Variants in RASSF5 observed in about 807,000 individuals in gnomAD.
The protein encoded by RASSF5 is ras association domain-containing protein 5.
In RASSF5, 25 loss-of-function variants were observed where a neutral mutation model predicts 40.5. That is an observed-to-expected ratio of 0.62 (90% CI 0.45 to 0.86). RASSF5 has a LOEUF of 0.86. RASSF5 is among the 40% of genes least tolerant of loss of function. The pLI is 0.00. For synonymous variants in RASSF5, 246 were observed against 252.4 expected, an observed-to-expected ratio of 0.97 and a Z score of 0.24; for missense variants, 521 against 572.8, an observed-to-expected ratio of 0.91 and a Z score of 0.92.
chr1:206,577,329 G>C (rs1406673351), intron 2 of RASSF5, among the ~76,000 whole-genome samples: 1 of 152,188 alleles, frequency 6.6e-6, no homozygotes, highest in Non-Finnish European at 1.5e-5. Flanking sequence ...CAAGGAAAAT[G>C]AAAACTGAAA....
chr1:206,565,530 T>A (rs906004683), intron 2 of RASSF5, among the ~76,000 whole-genome samples: 2 of 152,150 alleles, frequency 1.3e-5, no homozygotes, highest in Non-Finnish European at 2.9e-5. Context: ...GACATAAAGA[T>A]GGATGAGATG....
At position 206,572,181 on chromosome 1, in the gene RASSF5, C is replaced by T. The variant is rs566318284; in HGVS notation, c.580-11088C>T. On this transcript the variant is annotated intron_variant, in intron 2 of 5. Coordinates refer to ENST00000579436, the MANE Select transcript of RASSF5 (RefSeq NM_182663.4). ...TACATTTATTTTGGGGTTTAGGGTG[C>T]ATGCGTGTTACTGCTTCTTTGTGTT... 6.1e-5 allele frequency among the ~76,000 whole-genome samples: 9 copies of T among 147,628 alleles called. No homozygotes were observed. In the East Asian group the frequency reaches 1.9e-3, roughly 31 times the overall value.
At chr1:206,583,548 T>C (rs1668980911) in intron 3 of RASSF5, 169 bp downstream of exon 3, 3 of 603,666 alleles carry the variant, frequency 5.0e-6, no homozygotes, top group Non-Finnish European at 6.0e-6. Flanking sequence ...GAGCCCTCAG[T>C]GGCCTCCATG....
At chr1:206,580,486 G>C (rs1365287971) in intron 2 of RASSF5, among the ~76,000 whole-genome samples, 4 of 152,296 alleles carry the variant, frequency 2.6e-5, no homozygotes, top group Non-Finnish European at 5.9e-5. Flanking sequence ...AGCTCCCAGC[G>C]GGAAGGTATA....
At chr1:206,536,582 G>C (rs1667417699) in intron 1 of RASSF5, among the ~76,000 whole-genome samples, 1 of 152,144 alleles carries the variant, frequency 6.6e-6, no homozygotes, top group South Asian at 2.1e-4. Context: ...CCCAAAAGTG[G>C]GGAGAAAAGG....
rs1668330531 is a variant in RASSF5 at position 206,567,953 on chromosome 1, A to C, written c.580-15316A>C. On this transcript the variant is annotated intron_variant, in intron 2 of 5. Coordinates refer to ENST00000579436, the MANE Select transcript of RASSF5 (RefSeq NM_182663.4). ...AATAATGTGCCCAGGGTCACATAAT[A>C]GTAAGTGGCAGATCCTGAAGTTGGA... Among the ~76,000 whole-genome samples, 5 of 152,200 alleles carry C rather than the reference A, an allele frequency of 3.3e-5. No homozygotes were observed. The South Asian group carries it at 1.0e-3, about 31-fold the overall frequency.
At chr1:206,541,164 G>A (rs1262915516) in intron 2 of RASSF5, among the ~76,000 whole-genome samples, 1 of 152,158 alleles carries the variant, frequency 6.6e-6, no homozygotes, top group Non-Finnish European at 1.5e-5. Flanking sequence ...CAAAATGCTG[G>A]GATTACAGGT....
Position 206,507,693 on chromosome 1 carries a change from C to T in RASSF5, c.91C>T (p.Pro31Ser), listed in dbSNP as rs782610236. The T allele has an allele frequency of 6.7e-7, 1 of 1,497,442 alleles. No homozygotes were observed. The highest frequency in any genetic ancestry group is 1.3e-5 in the South Asian group (1 of 79,502). The allele number at this position is 1,497,442 out of a possible 1,614,324, so 92.8% of individuals were successfully genotyped here. Residue 31 changes from proline to serine, a missense_variant, in exon 1 of 6, where the codon CCC becomes TCC. Transcript: ENST00000579436. ...GCGCTATCTACAGAGCCTGAGCGGC[C>T]CCGAGCTACCGCCGCCGCCCCCCGA... is the stretch of plus-strand genomic sequence containing the variant. Reference protein sequence around the residue: ...PPRYLQSLSGPELPPPPPDRS... With the variant: ...PPRYLQSLSGSELPPPPPDRS...
Position 206,507,790 on chromosome 1 carries a change from G to A in RASSF5, c.188G>A (p.Arg63Gln), listed in dbSNP as rs967762093. 23 of 1,390,880 alleles carry A rather than the reference G, an allele frequency of 1.7e-5. No individual in the cohort carries two copies. The highest frequency in any genetic ancestry group is 3.1e-5 in the African/African-American group (2 of 65,526). The allele number at this position is 1,390,880 out of a possible 1,614,324, so 86.2% of individuals were successfully genotyped here. The change falls in exon 1 of 6, where the codon CGG (arginine) becomes CAG (glutamine). Residue 63 changes from arginine to glutamine, a missense_variant. By Grantham distance (43) the Arg-to-Gln change is conservative (BLOSUM62 1). Around this residue, in one of 2 missense-constraint regions of RASSF5, gnomAD observed 237 missense variants for 212.0 expected, o/e 1.12. Coordinates refer to ENST00000579436, the MANE Select transcript of RASSF5 (RefSeq NM_182663.4). ...APGAREGRSARRAARGNLEPP... is the reference protein window; with the variant it reads ...APGAREGRSAQRAARGNLEPP... ...GGGGCGCGCGAGGGGCGCAGCGCCC[G>A]GAGGGCTGCCCGGGGGAACCTGGAG...
rs1553405827 is a variant in RASSF5, at chr1:206,579,519, C to G, written c.580-3750C>G. Among the ~76,000 whole-genome samples the G allele has an allele frequency of 6.6e-6, 1 of 152,098 alleles. No homozygotes were observed. The highest frequency in any genetic ancestry group is 2.4e-5 in the African/African-American group (1 of 41,414). ...TGGCAGATAGTGCCTGTTAGGTAAACCTTTGGGGTGTTTGTGTGTTTCTTG... is the reference window on the plus strand; with the variant it reads ...TGGCAGATAGTGCCTGTTAGGTAAAGCTTTGGGGTGTTTGTGTGTTTCTTG... On this transcript the variant is annotated intron_variant, in intron 2 of 5. Transcript: ENST00000579436. The surrounding 1 kb of genome is among the most constrained non-coding windows in gnomAD (Gnocchi z 4.2).
intron 1 of RASSF5, among the ~76,000 whole-genome samples, chr1:206,522,295 G>C (rs1226823931): frequency 6.6e-6 from 1 of 152,152 alleles, no homozygotes; most frequent in Non-Finnish European, 1.5e-5. Context: ...TGTGGAAAGA[G>C]GGGAGACGGA....
At chr1:206,534,076 G>T (rs1667320049) in intron 1 of RASSF5, among the ~76,000 whole-genome samples, 1 of 152,204 alleles carries the variant, frequency 6.6e-6, no homozygotes, top group South Asian at 2.1e-4. Context: ...CTAGCCTCCA[G>T]AACTGCGAGA....
At chr1:206,576,597 T>C (rs1390314536) in intron 2 of RASSF5, among the ~76,000 whole-genome samples, 2 of 152,174 alleles carry the variant, frequency 1.3e-5, no homozygotes, top group Non-Finnish European at 2.9e-5. Flanking sequence ...AAAACTGTGA[T>C]TACCTTTCTC....
At chr1:206,586,624 T>C in intron 5 of RASSF5, 1 of 564,886 alleles carries the variant, frequency 1.8e-6, no homozygotes, top group East Asian at 2.9e-5. Flanking sequence ...GGTCATGAGA[T>C]GCCAGCATTT....
rs782253930 is a variant in RASSF5, at chr1:206,586,964, G to C, written c.1243G>C (p.Gly415Arg). ...GGAGGAGGCCTTAAGAGAATCCCAG[G>C]GCAAACCTGGGTAACCGGTCCTGCT... ...KLEEALRESQ[G>R]KPG The change falls in exon 6 of 6, where the codon GGC becomes CGC. Residue 415 changes from glycine to arginine, a missense_variant. This residue lies in a region of RASSF5 where 284 missense variants were observed against 360.8 expected (regional missense o/e 0.79). Transcript: ENST00000579436. 4 of 1,613,950 alleles carry C rather than the reference G, an allele frequency of 2.5e-6. No homozygotes were observed. The highest frequency in any genetic ancestry group is 3.4e-6 in the Non-Finnish European group (4 of 1,179,978).
intron 2 of RASSF5, among the ~76,000 whole-genome samples, chr1:206,549,240 G>A (rs976213400): frequency 6.6e-6 from 1 of 151,848 alleles, no homozygotes; most frequent in Non-Finnish European, 1.5e-5. Context: ...AGTCTAATCT[G>A]CCATTAATCC....
intron 2 of RASSF5, among the ~76,000 whole-genome samples, chr1:206,546,233 C>T (rs551387658): frequency 3.3e-4 from 50 of 150,532 alleles, no homozygotes; most frequent in Non-Finnish European, 4.4e-4. Context: ...TTCAGCCTCT[C>T]GAGGAACTGG....
At chr1:206,559,950 C>A (rs539712167) in intron 2 of RASSF5, among the ~76,000 whole-genome samples, 82 of 152,286 alleles carry the variant, frequency 5.4e-4, no homozygotes, top group African/African-American at 1.9e-3. Context: ...CTTCTAGGTG[C>A]CTTTTTACCT....
At chr1:206,555,997 G>A (rs888025383) in intron 2 of RASSF5, among the ~76,000 whole-genome samples, 7 of 152,302 alleles carry the variant, frequency 4.6e-5, no homozygotes, top group African/African-American at 1.7e-4. Context: ...CAGAACTGTA[G>A]GAAAAGCTAC....
Sources: allele counts gnomAD v4.1 joint callset (sites outside exome capture counted in the v4.1 genomes callset), GRCh38; gene constraint gnomAD v4.1.1; regional missense constraint gnomAD v4.1.1; non-coding constraint Gnocchi (gnomAD v3.1); transcripts MANE v1.5; gene names NCBI Gene and HGNC (gene_info 2026-07-23, HGNC 2026-07-21).